The following STK3 variants were observed in gnomAD, a reference collection of about 807,000 sequenced individuals.
STK3 encodes serine/threonine-protein kinase 3.
In STK3, 41 loss-of-function variants were observed where a neutral mutation model predicts 58.0. The ratio of observed to expected loss-of-function variants is 0.71; its 90% CI spans 0.55 to 0.92. STK3 has a LOEUF of 0.92. Ranked by LOEUF, STK3 falls within the 40% of genes least tolerant of loss-of-function variation. The pLI is 0.00. For missense variants in STK3, 479 were observed against 602.7 expected, an observed-to-expected ratio of 0.79 and a Z score of 2.15; for synonymous variants, 170 against 191.0, an observed-to-expected ratio of 0.89 and a Z score of 0.91.
chr8:98,654,318 T>A (rs975432665), intron 6 of STK3, among the ~76,000 whole-genome samples: 1 of 152,208 alleles, frequency 6.6e-6, no homozygotes, highest in Non-Finnish European at 1.5e-5. Context: ...AAGTTAGGTA[T>A]TGATGGGACG....
chr8:98,733,702 A>G (rs573303472), intron 4 of STK3, among the ~76,000 whole-genome samples: 1 of 152,194 alleles, frequency 6.6e-6, no homozygotes, highest in East Asian at 1.9e-4. Context: ...TTTGCAAAAC[A>G]GAATTTGGCT....
At chr8:98,604,604 G>A (rs1181251121) in intron 6 of STK3, among the ~76,000 whole-genome samples, 1 of 152,148 alleles carries the variant, frequency 6.6e-6, no homozygotes, top group Non-Finnish European at 1.5e-5. Flanking sequence ...CTTCTGCCTG[G>A]ACATTCAGGC....
intron 3 of STK3, among the ~76,000 whole-genome samples, chr8:98,877,583 A>G (rs1422101951): frequency 6.6e-6 from 1 of 152,110 alleles, no homozygotes; most frequent in Non-Finnish European, 1.5e-5. Flanking sequence ...TCCCGGGTTC[A>G]AGCGATTCTC....
chr8:98,866,043 G>T (rs1241571720), intron 3 of STK3, among the ~76,000 whole-genome samples: 3 of 152,236 alleles, frequency 2.0e-5, no homozygotes, highest in African/African-American at 7.2e-5. Context: ...GCACACTGTG[G>T]CTGCTGCTTT....
At chr8:98,537,934 A>G (rs779040586) in intron 9 of STK3, among the ~76,000 whole-genome samples, 3 of 152,168 alleles carry the variant, frequency 2.0e-5, no homozygotes, top group African/African-American at 7.2e-5. Context: ...CAGTCCACCC[A>G]CAATTATTCA....
At chr8:98,407,432 G>A (rs1818004437) in intron 3 of STK3, among the ~76,000 whole-genome samples, 2 of 152,244 alleles carry the variant, frequency 1.3e-5, no homozygotes, top group Non-Finnish European at 2.9e-5. Flanking sequence ...ACACCCAGCA[G>A]AGTCACTGGG....
intron 8 of STK3, among the ~76,000 whole-genome samples, chr8:98,560,237 T>C (rs1811903035): frequency 6.6e-6 from 1 of 151,950 alleles, no homozygotes; most frequent in African/African-American, 2.4e-5. Flanking sequence ...GTTAGTACAA[T>C]AAGAAAAAAG....
Position 98,429,301 on chromosome 8 carries a change from C to T in STK3, n.483+4826G>A, listed in dbSNP as rs1452738924. On this transcript the variant is annotated intron_variant and non_coding_transcript_variant, in intron 3 of 3. Transcript: ENST00000517832. ...GGAGATGGAATGAAGGAGGTCCCTT[C>T]GGTCAATTTAAGGGACTATTATGCC... 13 of 1,613,892 alleles carry T rather than the reference C, an allele frequency of 8.1e-6. No homozygotes were observed. The highest frequency in any genetic ancestry group is 2.7e-5 in the African/African-American group (2 of 74,940).
At chr8:98,797,925 A>C (rs1252187623) in intron 1 of STK3, among the ~76,000 whole-genome samples, 2 of 152,220 alleles carry the variant, frequency 1.3e-5, no homozygotes, top group Admixed American at 6.5e-5. Flanking sequence ...ATTTTAAAAG[A>C]GGGAGGGGAA....
intron 4 of STK3, among the ~76,000 whole-genome samples, chr8:98,730,159 A>C (rs955257517): frequency 6.6e-6 from 1 of 152,208 alleles, no homozygotes; most frequent in Admixed American, 6.5e-5. Context: ...AGAATTTACC[A>C]AGCAGAATAG....
At chr8:98,649,867 T>G (rs964793013) in intron 6 of STK3, among the ~76,000 whole-genome samples, 1 of 152,214 alleles carries the variant, frequency 6.6e-6, no homozygotes, top group Non-Finnish European at 1.5e-5. Context: ...AAAGCCAGCA[T>G]GCTCTTTCCT....
intron 1 of STK3, among the ~76,000 whole-genome samples, chr8:98,916,289 C>T (rs1839346415): frequency 6.6e-6 from 1 of 152,136 alleles, no homozygotes; most frequent in Non-Finnish European, 1.5e-5. Flanking sequence ...TGGCAGGCAC[C>T]TGTAATCCCA....
chr8:98,841,747 T>C (rs1835996696), intron 3 of STK3, among the ~76,000 whole-genome samples: 1 of 150,512 alleles, frequency 6.6e-6, no homozygotes, highest in Non-Finnish European at 1.5e-5. Context: ...GACTTGACAG[T>C]TCTATGGAAA....
chr8:98,939,968 GTTCGAAAAGC>G (rs1840345347), intron 1 of STK3, among the ~76,000 whole-genome samples: 1 of 152,216 alleles, frequency 6.6e-6, no homozygotes, highest in Non-Finnish European at 1.5e-5. Context: ...GAAGCGCTTG[GTTCGAAAAGC>G]ACCATGAATT....
At chr8:98,519,002 C>A (rs1485444264) in intron 10 of STK3, among the ~76,000 whole-genome samples, 1 of 152,112 alleles carries the variant, frequency 6.6e-6, no homozygotes, top group African/African-American at 2.4e-5. Flanking sequence ...TCTGAAATAT[C>A]TATAGTTGTC....
chr8:98,793,221 TAC>T (rs1832919060), intron 1 of STK3, among the ~76,000 whole-genome samples: 2 of 152,110 alleles, frequency 1.3e-5, no homozygotes, highest in Non-Finnish European at 2.9e-5. Flanking sequence ...ACAAATTGGG[TAC>T]AGTGTATACT....
chr8:98,854,458 G>T (rs947444334), intron 3 of STK3, among the ~76,000 whole-genome samples: 1 of 152,004 alleles, frequency 6.6e-6, no homozygotes, highest in African/African-American at 2.4e-5. Flanking sequence ...TTTTAAAGAT[G>T]ATGTAATCTC....
At chr8:98,483,219 C>T (rs1663997734) in intron 10 of STK3, among the ~76,000 whole-genome samples, 1 of 152,118 alleles carries the variant, frequency 6.6e-6, no homozygotes, top group African/African-American at 2.4e-5. Context: ...AAATGTAATT[C>T]AATTCTTATA....
At chr8:98,695,893 C>A (rs1014741704) in intron 6 of STK3, among the ~76,000 whole-genome samples, 3 of 152,098 alleles carry the variant, frequency 2.0e-5, no homozygotes, top group Admixed American at 6.5e-5. Context: ...TTTTCCAATT[C>A]TGTGAAGAAA....
Sources: gnomAD v4.1 joint callset for allele counts (sites outside exome capture counted in the v4.1 genomes callset) on GRCh38, gnomAD v4.1.1 for gene constraint, MANE v1.5 for transcripts, NCBI Gene and HGNC (gene_info 2026-07-23, HGNC 2026-07-21) for gene names.